ARMC2: variants seen among roughly 807,000 people sequenced by gnomAD.
ARMC2 encodes the protein armadillo repeat-containing protein 2.
A neutral mutation model predicts 90.3 loss-of-function variants in ARMC2; 67 were observed. The observed-to-expected ratio is 0.74, with a 90% confidence interval of 0.61 to 0.91. The LOEUF is 0.91. Among genes scored for constraint, ARMC2 ranks in the 40% least tolerant of loss-of-function variants. ARMC2 has a pLI of 0.00. For missense variants in ARMC2, 920 were observed against 1,030.9 expected (o/e 0.89, Z 1.47); for synonymous variants, 393 against 393.0 (o/e 1.00, Z 0.00).
chr6:108,899,801 CA>C lies in ARMC2; in HGVS notation c.847+12del. 6.4e-7 allele frequency: 1 copy of C among 1,567,418 alleles called. No homozygotes were observed. Among genetic ancestry groups the C allele is most frequent in the Non-Finnish European group, 8.6e-7 (1 of 1,157,660 alleles). ...GCGTGAATTAGAAAAGGGTAAAACA[CA>C]AACAAACAAACAAAAAACCGTTTTT... is the stretch of plus-strand genomic sequence containing the variant. On this transcript the variant is annotated intron_variant, in intron 7 of 17. Coordinates refer to ENST00000392644, the MANE Select transcript of ARMC2 (RefSeq NM_032131.6).
At chr6:108,884,771 T>A (rs1562350541) in intron 5 of ARMC2, among the ~76,000 whole-genome samples, 1 of 152,172 alleles carries the variant, frequency 6.6e-6, no homozygotes, top group Admixed American at 6.5e-5. Flanking sequence ...GAGGTGACTT[T>A]CGCTGTCAGT....
chr6:108,938,986 T>C (rs1026414312), intron 12 of ARMC2, among the ~76,000 whole-genome samples: 5 of 152,134 alleles, frequency 3.3e-5, no homozygotes, highest in African/African-American at 1.2e-4. Context: ...TAAAGTTTTT[T>C]TTTGTTTTTT....
chr6:108,907,728 T>G (rs1772931106), intron 8 of ARMC2: 2 of 1,610,040 alleles, frequency 1.2e-6, no homozygotes, highest in Non-Finnish European at 1.7e-6. Context: ...TTCACATTGA[T>G]GTACTTGTAG....
At chr6:109,025,083 G>A in the ARMC2 span, among the ~76,000 whole-genome samples, 1 of 152,040 alleles carries the variant, frequency 6.6e-6, no homozygotes, top group Non-Finnish European at 1.5e-5. Context: ...CTAGGACTTG[G>A]GAAATTGGGA....
the ARMC2 span, among the ~76,000 whole-genome samples, chr6:108,996,572 A>C: frequency 9.2e-5 from 14 of 152,166 alleles, no homozygotes; most frequent in Non-Finnish European, 2.1e-4. Context: ...ATTATATTGA[A>C]ATAAGAGGGA....
At position 108,953,294 on chromosome 6, in the gene ARMC2, G is replaced by T; in HGVS notation, c.1858G>T (p.Val620Leu). Residue 620 changes from valine (V) to leucine (L), a missense_variant, in exon 13 of 18, where the codon GTG (valine) becomes TTG (leucine). By Grantham distance (32) the Val-to-Leu change is conservative. Coordinates refer to ENST00000392644, the MANE Select transcript of ARMC2 (RefSeq NM_032131.6). ...VLANIAIHPG[V>L]GPVLAANPGI... ...GGCCAACATTGCCATCCACCCGGGC[G>T]TGGGCCCGGTGCTGGCCGCCAACCC... The T allele has an allele frequency of 6.2e-7, 1 of 1,611,354 alleles. No homozygotes were observed. Among genetic ancestry groups the T allele is most frequent in the Non-Finnish European group, 8.5e-7 (1 of 1,179,778 alleles).
At chr6:108,889,915 G>A (rs1316152442) in intron 5 of ARMC2, among the ~76,000 whole-genome samples, 5 of 151,296 alleles carry the variant, frequency 3.3e-5, no homozygotes, top group South Asian at 2.1e-4. Flanking sequence ...CGGGCCGGGC[G>A]CGGTGGCTCA....
chr6:109,051,250 G>T, the ARMC2 span, among the ~76,000 whole-genome samples: 1 of 152,094 alleles, frequency 6.6e-6, no homozygotes, highest in Admixed American at 6.5e-5. Flanking sequence ...TTATAAAACA[G>T]CAGGGTGCAA....
intron 2 of ARMC2, chr6:108,856,322 T>C (rs550085902): frequency 6.6e-6 from 1 of 152,390 alleles, no homozygotes; most frequent in East Asian, 1.9e-4. Context: ...TTTTTTTTTC[T>C]AGGAATATGA....
At chr6:108,852,331 C>T (rs1020443644) in intron 1 of ARMC2, among the ~76,000 whole-genome samples, 1 of 151,894 alleles carries the variant, frequency 6.6e-6, no homozygotes, top group African/African-American at 2.4e-5. Flanking sequence ...CATTATTGTA[C>T]AAGTTTCTCA....
chr6:108,998,598 G>A, the ARMC2 span: 1 of 1,613,934 alleles, frequency 6.2e-7, no homozygotes, highest in Non-Finnish European at 8.5e-7. Context: ...GTTGCTAACA[G>A]AAGGAGGTCT....
At chr6:109,042,392 T>G in the ARMC2 span, among the ~76,000 whole-genome samples, 1 of 147,328 alleles carries the variant, frequency 6.8e-6, no homozygotes, top group Non-Finnish European at 1.5e-5. Context: ...AACAAAAGAG[T>G]AAAAGAAAAT....
the ARMC2 span, among the ~76,000 whole-genome samples, chr6:109,046,395 C>G: frequency 1.3e-5 from 2 of 151,478 alleles, no homozygotes; most frequent in African/African-American, 4.9e-5. Context: ...CTCAATGGTG[C>G]CCAGGCTGGA....
In ARMC2 at chr6:108,972,647, A is replaced by G. The variant is rs58915179; in HGVS notation, c.2447-710A>G. Reference sequence around the variant, plus strand: ...AAAAAACTAAGGAATTAGTTGAAATAAGGGTTCAGTTCAATTTTGGATTTT... The same window carrying G: ...AAAAAACTAAGGAATTAGTTGAAATGAGGGTTCAGTTCAATTTTGGATTTT... On this transcript the variant is annotated intron_variant, in intron 17 of 17. Coordinates refer to ENST00000392644, the MANE Select transcript of ARMC2 (RefSeq NM_032131.6). 7.8e-3 allele frequency among the ~76,000 whole-genome samples: 1,181 copies of G among 152,262 alleles called. 13 individuals carry two copies. The highest frequency in any genetic ancestry group is 0.027 in the African/African-American group (1,118 of 41,538).
intron 8 of ARMC2, chr6:108,907,594 C>T (rs1025258575): frequency 1.3e-6 from 2 of 1,545,238 alleles, no homozygotes; most frequent in Non-Finnish European, 1.8e-6. Context: ...TGGGGGGGTG[C>T]AGAGCGTGTC....
At chr6:108,919,685 CA>C (rs1196386777) in intron 10 of ARMC2, among the ~76,000 whole-genome samples, 2 of 152,152 alleles carry the variant, frequency 1.3e-5, no homozygotes, top group Admixed American at 6.5e-5. Flanking sequence ...ATGAGTTTGA[CA>C]AAAGTAGAAA....
intron 5 of ARMC2, among the ~76,000 whole-genome samples, chr6:108,890,224 A>C (rs1007934893): frequency 4.8e-5 from 6 of 124,456 alleles, no homozygotes; most frequent in African/African-American, 1.9e-4. Flanking sequence ...AAAAAAAAAA[A>C]AAAAACAGTG....
the ARMC2 span, among the ~76,000 whole-genome samples, chr6:109,038,522 C>G: frequency 6.6e-5 from 10 of 152,136 alleles, no homozygotes; most frequent in African/African-American, 2.4e-4. Context: ...CAACACAAGT[C>G]TTTAGCACCT....
At chr6:108,849,060 G>A (rs2128410262) in intron 1 of ARMC2, among the ~76,000 whole-genome samples, 1 of 152,256 alleles carries the variant, frequency 6.6e-6, no homozygotes, top group Admixed American at 6.5e-5. Context: ...GCGGTGACCG[G>A]GCCAGAGTCA....
Sources: gnomAD v4.1 joint callset for allele counts (sites outside exome capture counted in the v4.1 genomes callset) on GRCh38, gnomAD v4.1.1 for gene constraint, MANE v1.5 for transcripts, NCBI Gene and HGNC (gene_info 2026-07-23, HGNC 2026-07-21) for gene names.